HM13: variants seen among roughly 807,000 people sequenced by gnomAD.
The protein encoded by HM13 is signal peptide peptidase.
Under a neutral mutation model 50.0 loss-of-function variants are expected in HM13, and 18 were observed. The ratio of observed to expected loss-of-function variants is 0.36; its 90% confidence interval spans 0.25 to 0.53. HM13 has a LOEUF of 0.53. Ranked by LOEUF, HM13 falls within the 20% of genes least tolerant of loss-of-function variation. The pLI is 0.90. For synonymous variants in HM13, 197 were observed against 232.6 expected, an observed-to-expected ratio of 0.85 and a Z score of 1.39; for missense variants, 393 against 552.4, an observed-to-expected ratio of 0.71 and a Z score of 2.89.
intron 10 of HM13, chr20:31,563,987 A>AAGG (rs1223287678): frequency 6.6e-6 from 1 of 151,992 alleles, no homozygotes; most frequent in Non-Finnish European, 1.5e-5. Flanking sequence ...GAGGCAGGAG[A>AAGG]ATCGCTTGAA....
chr20:31,568,806 C>T (rs987257815), intron 12 of HM13, among the ~76,000 whole-genome samples: 7 of 152,186 alleles, frequency 4.6e-5, no homozygotes, highest in Admixed American at 2.0e-4. Flanking sequence ...CCTTTTTCCA[C>T]GCTACAGCAG....
chr20:31,542,342 G>GA (rs1206785616), intron 3 of HM13, among the ~76,000 whole-genome samples: 3 of 152,256 alleles, frequency 2.0e-5, no homozygotes, highest in East Asian at 1.9e-4. Context: ...ACCTTAGAGG[G>GA]AAAAAATGCC....
intron 10 of HM13, 78 bp downstream of exon 10, chr20:31,561,814 G>T: frequency 2.0e-6 from 2 of 1,025,020 alleles, no homozygotes; most frequent in Non-Finnish European, 3.1e-6. Context: ...ATTTGTAAAT[G>T]CAAGCAGTCC....
At chr20:31,555,805 C>T (rs79344105) in intron 8 of HM13, among the ~76,000 whole-genome samples, 1 of 124,526 alleles carries the variant, frequency 8.0e-6, no homozygotes, top group African/African-American at 3.0e-5. Context: ...CTCATCTCTA[C>T]AAAAAAAAAA....
Position 31,538,071 on chromosome 20 carries a change from C to T in HM13, c.283-108C>T, listed in dbSNP as rs772964574. 7.0e-6 allele frequency: 9 copies of T among 1,280,324 alleles called. No individual in the cohort carries two copies. In the South Asian group the frequency reaches 8.4e-5, roughly 12 times the overall value. 79.3% of individuals were successfully genotyped at this position (1,280,324 alleles called of 1,614,324 possible). A position where few individuals can be genotyped will look rare whatever the true frequency, so the allele number is the denominator to read the frequency against. On this transcript the variant is annotated intron_variant, in intron 2 of 12. Transcript: ENST00000398174. ...TCTGAGACTCTTCCTGACTGTCCCC[C>T]GACTCAAGAAGGGTGAGACCAACCT...
At chr20:31,543,653 C>T (rs1397941671) in intron 3 of HM13, among the ~76,000 whole-genome samples, 3 of 151,670 alleles carry the variant, frequency 2.0e-5, no homozygotes, top group Admixed American at 6.6e-5. Context: ...TTCCCTTGGC[C>T]GGGCGCGGTG....
At chr20:31,516,533 C>T (rs1981792781) in intron 1 of HM13, among the ~76,000 whole-genome samples, 1 of 152,186 alleles carries the variant, frequency 6.6e-6, no homozygotes, top group Admixed American at 6.5e-5. Context: ...TGCAGGGAGG[C>T]TTTGTGCTAG....
intron 10 of HM13, among the ~76,000 whole-genome samples, chr20:31,563,776 C>T (rs1027094755): frequency 2.0e-5 from 3 of 152,074 alleles, no homozygotes; most frequent in African/African-American, 4.8e-5. Flanking sequence ...GCTGGCTTTA[C>T]GTTAAGAATG....
At chr20:31,564,376 A>T (rs957695383) in intron 10 of HM13, among the ~76,000 whole-genome samples, 1 of 152,150 alleles carries the variant, frequency 6.6e-6, no homozygotes, top group African/African-American at 2.4e-5. Context: ...CAGGAGTTCA[A>T]GACCAGCCTG....
intron 1 of HM13, among the ~76,000 whole-genome samples, chr20:31,519,740 C>G (rs566680340): frequency 6.6e-6 from 1 of 152,134 alleles, no homozygotes; most frequent in Non-Finnish European, 1.5e-5. Flanking sequence ...TTTGCTATTA[C>G]AAACCATGCT....
chr20:31,547,880 C>T, intron 4 of HM13: 1 of 1,008,186 alleles, frequency 9.9e-7, no homozygotes, highest in Non-Finnish European at 1.6e-6. Context: ...CTGTACCCTG[C>T]TGCAGTAGAT....
At chr20:31,521,754 T>C (rs193136105) in intron 1 of HM13, among the ~76,000 whole-genome samples, 11 of 149,602 alleles carry the variant, frequency 7.4e-5, no homozygotes, top group African/African-American at 2.7e-4. Flanking sequence ...AAGTACCTGC[T>C]TTGTGGGGTT....
chr20:31,559,739 A>G (rs1600666471), intron 9 of HM13, 92 bp downstream of exon 9: 2 of 1,161,038 alleles, frequency 1.7e-6, no homozygotes, highest in East Asian at 2.3e-5. Flanking sequence ...AGGAGACCAG[A>G]CCCTCCACCC....
intron 2 of HM13, among the ~76,000 whole-genome samples, chr20:31,537,862 C>T (rs559526784): frequency 6.0e-4 from 92 of 152,352 alleles, no homozygotes; most frequent in African/African-American, 2.0e-3. Flanking sequence ...GGGCTCTATA[C>T]TGAAGACTCC....
At chr20:31,516,381 G>A (rs1981779046) in intron 1 of HM13, among the ~76,000 whole-genome samples, 1 of 152,188 alleles carries the variant, frequency 6.6e-6, no homozygotes, top group Admixed American at 6.5e-5. Flanking sequence ...GGGTAAGGGA[G>A]GATTGCTGCA....
chr20:31,546,826 G>A (rs1308288343), intron 4 of HM13, among the ~76,000 whole-genome samples: 1 of 151,890 alleles, frequency 6.6e-6, no homozygotes, highest in Non-Finnish European at 1.5e-5. Context: ...ACTTTGGGAG[G>A]CTGATGCAGG....
Position 31,538,529 on chromosome 20 carries a change from G to A in HM13, c.365+268G>A, listed in dbSNP as rs191848454. 7.0e-5 allele frequency: 98 copies of A among 1,392,362 alleles called. No individual in the cohort carries two copies. The East Asian group carries it at 2.3e-3, about 32-fold the overall frequency. The allele number at this position is 1,392,362 out of a possible 1,614,324, so 86.3% of individuals were successfully genotyped here. ...GGGAAAGTGATTTGTGAGCAGTAATGTCATGTTAGTTGTGACAGTACTCAG... is the reference window on the plus strand; with the variant it reads ...GGGAAAGTGATTTGTGAGCAGTAATATCATGTTAGTTGTGACAGTACTCAG... On this transcript the variant is annotated intron_variant, in intron 3 of 12. Coordinates refer to ENST00000398174, the MANE Select transcript of HM13 (RefSeq NM_178581.3).
chr20:31,559,861 T>G (rs1984514155), intron 9 of HM13, among the ~76,000 whole-genome samples: 1 of 152,234 alleles, frequency 6.6e-6, no homozygotes, highest in Non-Finnish European at 1.5e-5. Context: ...GCCAAGAGAT[T>G]TAAACCCACA....
At chr20:31,517,909 T>G (rs1408293276) in intron 1 of HM13, among the ~76,000 whole-genome samples, 1 of 152,210 alleles carries the variant, frequency 6.6e-6, no homozygotes, top group Non-Finnish European at 1.5e-5. Context: ...CAACTGGCTG[T>G]TGAGTATATA....
Sources: allele counts gnomAD v4.1 joint callset (sites outside exome capture counted in the v4.1 genomes callset), GRCh38; gene constraint gnomAD v4.1.1; transcripts MANE v1.5; gene names NCBI Gene and HGNC (gene_info 2026-07-23, HGNC 2026-07-21).